The following PPP1R14C variants were observed in gnomAD, a reference collection of about 807,000 sequenced individuals.
PPP1R14C encodes protein phosphatase 1 regulatory inhibitor subunit 14C, also known as protein phosphatase 1 regulatory subunit 14C.
Under a neutral mutation model 20.4 loss-of-function variants are expected in PPP1R14C, and 16 were observed. The observed-to-expected ratio is 0.78, with a 90% CI of 0.53 to 1.19. The LOEUF (loss-of-function observed/expected upper bound fraction) is 1.19. Ranked by LOEUF, PPP1R14C falls within the 50% of genes most tolerant of loss-of-function variation. The pLI is 0.00. For missense variants in PPP1R14C, 211 were observed against 220.1 expected, an observed-to-expected ratio of 0.96 and a Z score of 0.26; for synonymous variants, 91 against 91.0, an observed-to-expected ratio of 1.00 and a Z score of 0.00.
At chr6:150,172,136 A>G (rs1777507194) in intron 1 of PPP1R14C, among the ~76,000 whole-genome samples, 1 of 152,146 alleles carries the variant, frequency 6.6e-6, no homozygotes. Context: ...TTGCTGAAGA[A>G]TTTATGTTAT....
rs1274631110 is a variant in PPP1R14C, at chr6:150,185,306, C to T, written c.307-29438C>T. On this transcript the variant is annotated intron_variant, in intron 1 of 3. Coordinates refer to ENST00000361131, the MANE Select transcript of PPP1R14C (RefSeq NM_030949.3). This position sits in a 1 kb window ranked among gnomAD's most constrained non-coding sequence, Gnocchi z 4.1. ...CCTTAGAGAAGTGCCTAGCAGTAGT[C>T]AGCCTGACACCGACCATGTCTCATG... is the stretch of plus-strand genomic sequence containing the variant. 6.6e-6 allele frequency among the ~76,000 whole-genome samples: 1 copy of T among 152,150 alleles called. No individual in the cohort carries two copies. Among genetic ancestry groups the T allele is most frequent in the Non-Finnish European group, 1.5e-5 (1 of 68,036 alleles).
chr6:150,246,902 A>G (rs2114936311), intron 3 of PPP1R14C, among the ~76,000 whole-genome samples: 1 of 152,328 alleles, frequency 6.6e-6, no homozygotes, highest in South Asian at 2.1e-4. Flanking sequence ...ATATATTTAT[A>G]TGGTATGATC....
At chr6:150,160,519 C>T (rs1052615838) in intron 1 of PPP1R14C, among the ~76,000 whole-genome samples, 2 of 151,638 alleles carry the variant, frequency 1.3e-5, no homozygotes, top group South Asian at 2.1e-4. Flanking sequence ...ATGATCCACC[C>T]GCCTCGGCCT....
At chr6:150,209,691 TTG>T (rs138079467) in intron 1 of PPP1R14C, among the ~76,000 whole-genome samples, 3,574 of 146,626 alleles carry the variant, frequency 0.024, 128 homozygotes, top group African/African-American at 0.079. Context: ...GTGTATGTAT[TTG>T]TGTGTGTGTG....
Position 150,249,519 on chromosome 6 carries a change from G to A in PPP1R14C, c.*699G>A. On this transcript the variant is annotated 3_prime_UTR_variant, in exon 4 of 4. Coordinates refer to ENST00000361131, the MANE Select transcript of PPP1R14C (RefSeq NM_030949.3). ...TTATGGAATTTCTATTATTTCATTG[G>A]TTGGGATGCTTTGCCAGGTCATGTG... 2.5e-6 allele frequency: 1 copy of A among 398,590 alleles called. No individual in the cohort carries two copies. Among genetic ancestry groups the A allele is most frequent in the Non-Finnish European group, 4.4e-6 (1 of 226,064 alleles). The allele number at this position is 398,590 out of a possible 1,614,324, so 24.7% of individuals were successfully genotyped here.
chr6:150,232,815 A>C (rs1778309661), intron 3 of PPP1R14C, among the ~76,000 whole-genome samples: 1 of 152,256 alleles, frequency 6.6e-6, no homozygotes, highest in African/African-American at 2.4e-5. Flanking sequence ...AGGTCCAATA[A>C]GTCTACAATT....
At chr6:150,162,300 C>T (rs552832606) in intron 1 of PPP1R14C, among the ~76,000 whole-genome samples, 3 of 152,294 alleles carry the variant, frequency 2.0e-5, no homozygotes, top group African/African-American at 4.8e-5. Context: ...GGTGATCTGC[C>T]CACCTGGGCC....
At chr6:150,183,685 G>A (rs1481176826) in intron 1 of PPP1R14C, among the ~76,000 whole-genome samples, 3 of 152,062 alleles carry the variant, frequency 2.0e-5, no homozygotes, top group Admixed American at 6.6e-5. Flanking sequence ...CTAGTTTTTT[G>A]TATTTTTAGT....
chr6:150,228,369 T>C (rs1778253096), intron 3 of PPP1R14C, among the ~76,000 whole-genome samples: 1 of 152,168 alleles, frequency 6.6e-6, no homozygotes, highest in African/African-American at 2.4e-5. Context: ...GGTTCTGGTT[T>C]ATTACAGGGA....
At chr6:150,172,886 G>T (rs1428790763) in intron 1 of PPP1R14C, among the ~76,000 whole-genome samples, 4 of 152,124 alleles carry the variant, frequency 2.6e-5, no homozygotes, top group Non-Finnish European at 5.9e-5. Context: ...CAGTCAAGGT[G>T]TGAGCAAGGC....
At chr6:150,218,110 G>GA (rs34226009) in intron 3 of PPP1R14C, among the ~76,000 whole-genome samples, 2 of 151,286 alleles carry the variant, frequency 1.3e-5, no homozygotes, top group East Asian at 1.9e-4. Flanking sequence ...CGTCTTTTAA[G>GA]AAAAAAAAAT....
intron 3 of PPP1R14C, among the ~76,000 whole-genome samples, chr6:150,240,560 A>G (rs980608244): frequency 3.3e-5 from 5 of 152,214 alleles, no homozygotes; most frequent in Non-Finnish European, 7.3e-5. Flanking sequence ...GTGACCAATC[A>G]GAGGCTGAAG....
At chr6:150,168,533 C>CAACAAAACAAAACAAAACAA (rs370806291) in intron 1 of PPP1R14C, among the ~76,000 whole-genome samples, 29,510 of 148,810 alleles carry the variant, frequency 0.2, 3,398 homozygotes, top group Non-Finnish European at 0.26. Flanking sequence ...ACTCCCGTCT[C>CAACAAAACAAAACAAAACAA]AACAAAACAA....
intron 3 of PPP1R14C, among the ~76,000 whole-genome samples, chr6:150,244,044 A>G (rs1778463576): frequency 6.6e-6 from 1 of 152,232 alleles, no homozygotes; most frequent in African/African-American, 2.4e-5. Flanking sequence ...AGCATGAAGA[A>G]GAAACTTTTG....
chr6:150,242,880 A>G (rs938581629), intron 3 of PPP1R14C, among the ~76,000 whole-genome samples: 1 of 152,214 alleles, frequency 6.6e-6, no homozygotes, highest in Non-Finnish European at 1.5e-5. Flanking sequence ...ATGAAAATCT[A>G]TTGTATTTCT....
At chr6:150,203,329 T>C (rs1293953032) in intron 1 of PPP1R14C, among the ~76,000 whole-genome samples, 1 of 152,258 alleles carries the variant, frequency 6.6e-6, no homozygotes, top group Admixed American at 6.5e-5. Flanking sequence ...ACTTTCCATT[T>C]TGGCTTCATT....
intron 1 of PPP1R14C, among the ~76,000 whole-genome samples, chr6:150,193,233 A>G (rs1232002165): frequency 6.6e-6 from 1 of 152,006 alleles, no homozygotes; most frequent in Non-Finnish European, 1.5e-5. Flanking sequence ...TTTAATCAGC[A>G]TCTCCAGGAC....
intron 1 of PPP1R14C, among the ~76,000 whole-genome samples, chr6:150,177,761 C>T (rs944156678): frequency 2.0e-5 from 3 of 152,166 alleles, no homozygotes; most frequent in African/African-American, 4.8e-5. Flanking sequence ...CTCAGGACAG[C>T]TGTCGGGGAG....
At chr6:150,233,702 C>A (rs1778319630) in intron 3 of PPP1R14C, among the ~76,000 whole-genome samples, 1 of 152,194 alleles carries the variant, frequency 6.6e-6, no homozygotes, top group African/African-American at 2.4e-5. Context: ...CACTTTCGGA[C>A]TGCATTGTTG....
Sources: gnomAD v4.1 joint callset for allele counts (sites outside exome capture counted in the v4.1 genomes callset) on GRCh38, gnomAD v4.1.1 for gene constraint, Gnocchi (gnomAD v3.1) non-coding constraint, MANE v1.5 for transcripts, NCBI Gene and HGNC (gene_info 2026-07-23, HGNC 2026-07-21) for gene names.